SRGAP1: variants seen among roughly 807,000 people sequenced by gnomAD.
SRGAP1 encodes SLIT-ROBO Rho GTPase activating protein 1, also known as SLIT-ROBO Rho GTPase-activating protein 1.
In SRGAP1, 43 loss-of-function variants were observed where a neutral mutation model predicts 121.9. The ratio of observed to expected loss-of-function variants is 0.35; its 90% CI spans 0.28 to 0.46. The LOEUF (loss-of-function observed/expected upper bound fraction) is 0.46. SRGAP1 is among the 20% of genes least tolerant of loss of function. The pLI is 1.00. For synonymous variants in SRGAP1, 447 were observed against 485.4 expected, an observed-to-expected ratio of 0.92 and a Z score of 1.04; for missense variants, 1,102 against 1,350.9, an observed-to-expected ratio of 0.82 and a Z score of 2.89.
At chr12:64,138,827 G>T (rs1294686749) in intron 21 of SRGAP1, among the ~76,000 whole-genome samples, 2 of 152,110 alleles carry the variant, frequency 1.3e-5, no homozygotes, top group African/African-American at 4.8e-5. Flanking sequence ...AATGCATGTT[G>T]ATATGAGAGT....
chr12:63,947,489 G>A (rs61933141), intron 1 of SRGAP1, among the ~76,000 whole-genome samples: 3,622 of 152,260 alleles, frequency 0.024, 84 homozygotes, highest in Middle Eastern at 0.034. Context: ...ATGGTGTTAC[G>A]AAATGGTTTA....
intron 1 of SRGAP1, among the ~76,000 whole-genome samples, chr12:63,895,442 G>A (rs1319066142): frequency 1.3e-5 from 2 of 152,140 alleles, no homozygotes; most frequent in Non-Finnish European, 2.9e-5. Context: ...TAGTTCTCTG[G>A]CCACACAACC....
intron 21 of SRGAP1, among the ~76,000 whole-genome samples, chr12:64,131,225 T>G (rs1086268): frequency 6.6e-6 from 1 of 152,258 alleles, no homozygotes; most frequent in Admixed American, 6.5e-5. Context: ...CGTTGGTGAG[T>G]ACTCACATGG....
intron 1 of SRGAP1, among the ~76,000 whole-genome samples, chr12:63,931,581 A>G (rs1221280466): frequency 6.6e-6 from 1 of 152,214 alleles, no homozygotes; most frequent in Non-Finnish European, 1.5e-5. Context: ...TTCTGCTTGA[A>G]TCACCAGAAT....
chr12:63,985,767 A>G (rs113409683), intron 2 of SRGAP1, among the ~76,000 whole-genome samples: 84 of 152,292 alleles, frequency 5.5e-4, no homozygotes, highest in African/African-American at 1.8e-3. Context: ...ATTGCATTGC[A>G]TCCCAGAACC....
chr12:64,105,158 A>G (rs2036324531), intron 15 of SRGAP1, among the ~76,000 whole-genome samples: 1 of 152,128 alleles, frequency 6.6e-6, no homozygotes, highest in African/African-American at 2.4e-5. Flanking sequence ...GTGGAATCAT[A>G]TAATACTTGT....
chr12:63,848,257 C>T (rs1202144891), intron 1 of SRGAP1, among the ~76,000 whole-genome samples: 3 of 152,070 alleles, frequency 2.0e-5, no homozygotes, highest in Non-Finnish European at 4.4e-5. Flanking sequence ...CCACCTGCCT[C>T]TGCCTCCACC....
At position 64,003,023 on chromosome 12, in the gene SRGAP1, TGAGAGAGA is replaced by T. The variant is rs141854046; in HGVS notation, c.426+12972_426+12979del. 1.4e-3 allele frequency among the ~76,000 whole-genome samples: 145 copies of T among 106,864 alleles called. 2 individuals carry two copies. Among genetic ancestry groups the T allele is most frequent in the African/African-American group, 4.5e-3 (125 of 27,630 alleles). 70.1% of individuals were successfully genotyped at this position (106,864 alleles called of 152,430 possible). On this transcript the variant is annotated intron_variant, in intron 3 of 21. Coordinates refer to ENST00000355086, the MANE Select transcript of SRGAP1 (RefSeq NM_020762.4). The stretch of plus-strand genomic sequence containing the variant: ...ATCTTGGGGGGGGTGTGTATGTGAG[TGAGAGAGA>T]GAGAGAGAGAGAGAGAGAGAAAGAG...
At chr12:63,922,567 T>G (rs1393620843) in intron 1 of SRGAP1, among the ~76,000 whole-genome samples, 1 of 152,202 alleles carries the variant, frequency 6.6e-6, no homozygotes. Flanking sequence ...TCCATGATCC[T>G]ACTTCAACCT....
intron 8 of SRGAP1, among the ~76,000 whole-genome samples, chr12:64,074,920 T>C (rs1368170085): frequency 6.6e-6 from 1 of 152,220 alleles, no homozygotes; most frequent in Non-Finnish European, 1.5e-5. Flanking sequence ...AATTTAGAAA[T>C]ACTATATTTT....
chr12:64,097,346 A>T lies in SRGAP1; in HGVS notation c.1784A>T (p.Glu595Val). The change falls in exon 15 of 22, where the codon GAA (glutamate) becomes GTA (valine). Residue 595 changes from glutamate to valine, a missense_variant. Glu to Val is a moderately radical substitution (Grantham distance 121, BLOSUM62 -2). This residue lies in a region of SRGAP1 where 747 missense variants were observed against 929.4 expected (regional missense o/e 0.80). Transcript: ENST00000355086. The part of the protein sequence containing the change: ...RGLENPLFPK[E>V]RFNDLISCIR... ...CTGGAAAACCCCCTCTTTCCTAAGG[A>T]AAGATTTAACGATCTGATTTCTTGT... 6.2e-7 allele frequency: 1 copy of T among 1,612,502 alleles called. No homozygotes were observed. Among genetic ancestry groups the T allele is most frequent in the Non-Finnish European group, 8.5e-7 (1 of 1,179,668 alleles).
intron 4 of SRGAP1, among the ~76,000 whole-genome samples, chr12:64,036,697 G>A (rs1027569364): frequency 3.9e-5 from 6 of 152,108 alleles, no homozygotes; most frequent in African/African-American, 1.4e-4. Context: ...CCAATCCCAG[G>A]TATTTATTGC....
intron 1 of SRGAP1, among the ~76,000 whole-genome samples, chr12:63,908,056 T>C (rs904548712): frequency 6.6e-6 from 1 of 152,226 alleles, no homozygotes; most frequent in Non-Finnish European, 1.5e-5. Flanking sequence ...GTTCCATTGA[T>C]GTATATTGAT....
At position 64,029,903 on chromosome 12, in the gene SRGAP1, G is replaced by A. The variant is rs954976169; in HGVS notation, c.490-12887G>A. On this transcript the variant is annotated intron_variant, in intron 4 of 21. Coordinates refer to ENST00000355086, the MANE Select transcript of SRGAP1 (RefSeq NM_020762.4). ...ATCCTGGGCAATAGAGCAAGACTCC[G>A]TCTCAAAAAATAAATAAATGAATAA... 1.1e-4 allele frequency among the ~76,000 whole-genome samples: 16 copies of A among 148,010 alleles called. 1 individual carries two copies. In the Middle Eastern group the frequency reaches 0.017, roughly 159 times the overall value.
At chr12:63,983,652 C>T (rs1028562452) in intron 1 of SRGAP1, 12 of 151,718 alleles carry the variant, frequency 7.9e-5, no homozygotes, top group Admixed American at 7.2e-4. Context: ...TGCCTGTAGT[C>T]TCAGCTACTC....
intron 6 of SRGAP1, among the ~76,000 whole-genome samples, chr12:64,053,681 C>T (rs1359869910): frequency 2.0e-5 from 3 of 152,036 alleles, no homozygotes; most frequent in Non-Finnish European, 2.9e-5. Context: ...ATAAAGGTAT[C>T]ATTGTAGAGG....
chr12:64,044,796 T>C (rs1158158380), intron 6 of SRGAP1, among the ~76,000 whole-genome samples: 1 of 150,250 alleles, frequency 6.7e-6, no homozygotes, highest in Non-Finnish European at 1.5e-5. Context: ...TTCTTTTGCC[T>C]CAGCTTCCCG....
intron 1 of SRGAP1, among the ~76,000 whole-genome samples, chr12:63,942,697 T>G (rs118022352): frequency 8.6e-4 from 131 of 152,334 alleles, no homozygotes; most frequent in Non-Finnish European, 1.4e-3. Flanking sequence ...GCTGCTTTTT[T>G]CTTTCTTCTC....
intron 1 of SRGAP1, among the ~76,000 whole-genome samples, chr12:63,866,221 T>G (rs927741037): frequency 6.6e-6 from 1 of 152,174 alleles, no homozygotes; most frequent in Non-Finnish European, 1.5e-5. Context: ...TCTCAACTGG[T>G]CATTGTCAAC....
Sources: allele counts gnomAD v4.1 joint callset (sites outside exome capture counted in the v4.1 genomes callset), GRCh38; gene constraint gnomAD v4.1.1; regional missense constraint gnomAD v4.1.1; transcripts MANE v1.5; gene names NCBI Gene and HGNC (gene_info 2026-07-23, HGNC 2026-07-21).